Variants in CAMK1D observed in about 807,000 individuals in gnomAD.
CAMK1D encodes the protein calcium/calmodulin dependent protein kinase ID, also known as calcium/calmodulin-dependent protein kinase type 1D.
CAMK1D carries 9 observed loss-of-function variants against 47.7 expected under a neutral mutation model. The ratio of observed to expected loss-of-function variants is 0.19; its 90% CI spans 0.11 to 0.33. The LOEUF is 0.33. CAMK1D is among the 10% of genes least tolerant of loss of function. CAMK1D has a pLI of 1.00. For missense variants in CAMK1D, 291 were observed against 488.7 expected (o/e 0.60, Z 3.81); for synonymous variants, 184 against 184.9 (o/e 0.99, Z 0.04).
At chr10:12,774,978 G>T (rs1837217067) in intron 5 of CAMK1D, among the ~76,000 whole-genome samples, 1 of 152,262 alleles carries the variant, frequency 6.6e-6, no homozygotes, top group African/African-American at 2.4e-5. Context: ...CAGGATAGAT[G>T]GTGGGGGTAG....
intron 3 of CAMK1D, among the ~76,000 whole-genome samples, chr10:12,744,794 A>T (rs929099247): frequency 6.6e-6 from 1 of 151,706 alleles, no homozygotes; most frequent in African/African-American, 2.4e-5. Flanking sequence ...CCAGCTACTC[A>T]CGAGGATAAG....
intron 1 of CAMK1D, among the ~76,000 whole-genome samples, chr10:12,501,685 T>C (rs1834708319): frequency 1.3e-5 from 2 of 152,138 alleles, no homozygotes; most frequent in South Asian, 4.1e-4. Flanking sequence ...TGGTGACATC[T>C]GGAAACATTT....
At chr10:12,746,180 C>CGGTGAAGATCATCCTGGCTAACAA (rs533025181) in intron 3 of CAMK1D, among the ~76,000 whole-genome samples, 5 of 151,878 alleles carry the variant, frequency 3.3e-5, no homozygotes, top group African/African-American at 1.2e-4. Context: ...CTGGCTAACA[C>CGGTGAAGATCATCCTGGCTAACAA]GGTGAAACCC....
chr10:12,780,638 C>T (rs1035160850), intron 5 of CAMK1D, among the ~76,000 whole-genome samples: 4 of 152,218 alleles, frequency 2.6e-5, no homozygotes, highest in Middle Eastern at 3.2e-3. Context: ...TTCGTCTTCA[C>T]TCCTCGATGT....
At chr10:12,697,435 G>A (rs117531569) in intron 3 of CAMK1D, among the ~76,000 whole-genome samples, 2,213 of 152,228 alleles carry the variant, frequency 0.015, 35 homozygotes, top group South Asian at 0.036. Flanking sequence ...GTCTCGCTCC[G>A]TCACCCATGC....
At chr10:12,780,263 C>A (rs919047245) in intron 5 of CAMK1D, among the ~76,000 whole-genome samples, 11 of 151,858 alleles carry the variant, frequency 7.2e-5, no homozygotes, top group African/African-American at 2.7e-4. Context: ...TCAAAGCCAC[C>A]CAGCAGGGGA....
chr10:12,620,468 G>A (rs1490115947), intron 2 of CAMK1D, among the ~76,000 whole-genome samples: 1 of 152,226 alleles, frequency 6.6e-6, no homozygotes, highest in Non-Finnish European at 1.5e-5. Context: ...ATTCTCATAG[G>A]TGTGTGGTGG....
chr10:12,544,481 G>A (rs1209571759), intron 1 of CAMK1D, among the ~76,000 whole-genome samples: 1 of 152,160 alleles, frequency 6.6e-6, no homozygotes, highest in Non-Finnish European at 1.5e-5. Context: ...ACAAATTTAA[G>A]ACTTTTTCCA....
chr10:12,725,861 A>G (rs1422061657), intron 3 of CAMK1D, among the ~76,000 whole-genome samples: 1 of 151,972 alleles, frequency 6.6e-6, no homozygotes, highest in African/African-American at 2.4e-5. Flanking sequence ...GGCTCAAGCA[A>G]TTCTCTTGCC....
intron 1 of CAMK1D, among the ~76,000 whole-genome samples, chr10:12,479,384 TG>T (rs1833997114): frequency 6.6e-6 from 1 of 151,988 alleles, no homozygotes; most frequent in Non-Finnish European, 1.5e-5. Flanking sequence ...TTAGTAGAGA[TG>T]GGGTTTCACC....
At chr10:12,679,851 C>T (rs937446689) in intron 3 of CAMK1D, among the ~76,000 whole-genome samples, 1 of 152,196 alleles carries the variant, frequency 6.6e-6, no homozygotes, top group Non-Finnish European at 1.5e-5. Context: ...GCTAATTCTC[C>T]ATCATCCTCT....
chr10:12,638,627 G>T (rs1211249052), intron 2 of CAMK1D, among the ~76,000 whole-genome samples: 1 of 152,142 alleles, frequency 6.6e-6, no homozygotes, highest in Non-Finnish European at 1.5e-5. Context: ...GTTGGATGCC[G>T]CCTCAGAGTA....
At chr10:12,700,766 C>T (rs547763208) in intron 3 of CAMK1D, among the ~76,000 whole-genome samples, 19 of 152,294 alleles carry the variant, frequency 1.2e-4, no homozygotes, top group East Asian at 7.7e-4. Flanking sequence ...TCCAGTAACT[C>T]GAATTTTCTC....
At chr10:12,647,092 C>T (rs1839830914) in intron 2 of CAMK1D, among the ~76,000 whole-genome samples, 1 of 148,580 alleles carries the variant, frequency 6.7e-6, no homozygotes, top group South Asian at 2.1e-4. Context: ...CCGCCCACCT[C>T]AGCCTCCCAA....
At chr10:12,627,654 T>G (rs190358162) in intron 2 of CAMK1D, among the ~76,000 whole-genome samples, 1 of 152,224 alleles carries the variant, frequency 6.6e-6, no homozygotes. Flanking sequence ...CATTTTTTTT[T>G]GTATCTTTCA....
At chr10:12,655,911 C>A (rs1186297448) in intron 2 of CAMK1D, among the ~76,000 whole-genome samples, 1 of 152,368 alleles carries the variant, frequency 6.6e-6, no homozygotes, top group East Asian at 1.9e-4. Context: ...TGTCACCAGG[C>A]TTCTGTGTAG....
At chr10:12,585,261 C>A (rs999184613) in intron 2 of CAMK1D, among the ~76,000 whole-genome samples, 3 of 152,204 alleles carry the variant, frequency 2.0e-5, no homozygotes, top group Non-Finnish European at 4.4e-5. Context: ...TGGGCCCCGT[C>A]CCCAGATGCT....
intron 5 of CAMK1D, among the ~76,000 whole-genome samples, chr10:12,775,052 G>A (rs1432614096): frequency 1.3e-5 from 2 of 149,976 alleles, no homozygotes; most frequent in Non-Finnish European, 3.0e-5. Context: ...GAAGGCTCAG[G>A]CATTGATCAG....
In CAMK1D at chr10:12,593,146, G is replaced by T. The variant is rs182053963; in HGVS notation, c.224+39790G>T. On this transcript the variant is annotated intron_variant, in intron 2 of 10. Coordinates refer to ENST00000619168, the MANE Select transcript of CAMK1D (RefSeq NM_153498.4). ...AGCCATAGATGATATGTAAATGAATGTGTGGGCTGAGTTCCAGTAAAACTT... is the reference window on the plus strand; with the variant it reads ...AGCCATAGATGATATGTAAATGAATTTGTGGGCTGAGTTCCAGTAAAACTT... 6.6e-5 allele frequency among the ~76,000 whole-genome samples: 10 copies of T among 152,366 alleles called. No individual in the cohort carries two copies. In the East Asian group the frequency reaches 1.2e-3, roughly 18 times the overall value.
Sources: allele counts gnomAD v4.1 joint callset (sites outside exome capture counted in the v4.1 genomes callset), GRCh38; gene constraint gnomAD v4.1.1; transcripts MANE v1.5; gene names NCBI Gene and HGNC (gene_info 2026-07-23, HGNC 2026-07-21).